The following RFTN2 variants were observed in gnomAD, a reference collection of about 807,000 sequenced individuals.
The protein encoded by RFTN2 is raftlin family member 2.
Under a neutral mutation model 52.7 loss-of-function variants are expected in RFTN2, and 34 were observed. The ratio of observed to expected loss-of-function variants is 0.64; its 90% CI spans 0.49 to 0.86. The LOEUF is 0.86. Ranked by LOEUF, RFTN2 falls within the 40% of genes least tolerant of loss-of-function variation. The pLI is 0.00. For missense variants in RFTN2, 536 were observed against 600.1 expected (o/e 0.89, Z 1.12); for synonymous variants, 203 against 217.7 (o/e 0.93, Z 0.59).
chr2:197,600,577 C>T (rs2087864336), intron 7 of RFTN2, among the ~76,000 whole-genome samples: 1 of 151,956 alleles, frequency 6.6e-6, no homozygotes, highest in Admixed American at 6.6e-5. Context: ...GCAAGTAAGT[C>T]CCTTATGGTT....
At position 197,571,997 on chromosome 2, in the gene RFTN2, C is replaced by T. The variant is rs758959908; in HGVS notation, c.*11G>A. ...TTATTTACAGGGCCTTCCTTTGCTT[C>T]ACCTCATGGCTCACATACAAGTGAC... On this transcript the variant is annotated 3_prime_UTR_variant, in exon 9 of 9. Transcript: ENST00000295049. 3.7e-6 allele frequency: 6 copies of T among 1,609,164 alleles called. No individual in the cohort carries two copies. The South Asian group carries it at 6.6e-5, about 18-fold the overall frequency.
At chr2:197,614,138 T>A (rs979430141) in intron 7 of RFTN2, among the ~76,000 whole-genome samples, 5 of 152,232 alleles carry the variant, frequency 3.3e-5, no homozygotes, top group African/African-American at 1.2e-4. Flanking sequence ...AGAATGTAAG[T>A]CCCTTGTTTT....
At chr2:197,596,098 TTG>T (rs775236509) in intron 7 of RFTN2, 29 bp from the exon 8 acceptor site, 1 of 1,383,074 alleles carries the variant, frequency 7.2e-7, no homozygotes, top group South Asian at 1.2e-5. Context: ...GTATTAGTAT[TTG>T]TGAGTTAGTA....
rs138860159 is a variant in RFTN2, at chr2:197,626,562, C to CAAATAAATAAATAAATAAAT, written c.928+4429_928+4448dup. On this transcript the variant is annotated intron_variant, in intron 5 of 8. Transcript: ENST00000295049. Reference sequence around the variant, plus strand: ...CTGGGTGACAGTGAGACCCCATCTACAAATAAATAAATAAATAAATAAATA... The same window carrying CAAATAAATAAATAAATAAAT: ...CTGGGTGACAGTGAGACCCCATCTACAAATAAATAAATAAATAAATAAATAAATAAATAAATAAATAAATA... 4.4e-3 allele frequency among the ~76,000 whole-genome samples: 547 copies of CAAATAAATAAATAAATAAAT among 124,052 alleles called. 11 individuals carry two copies. Among genetic ancestry groups the CAAATAAATAAATAAATAAAT allele is most frequent in the African/African-American group, 0.016 (508 of 31,480 alleles). The allele number at this position is 124,052 out of a possible 152,430, so 81.4% of individuals were successfully genotyped here.
intron 7 of RFTN2, among the ~76,000 whole-genome samples, chr2:197,614,039 A>C (rs923846103): frequency 6.6e-6 from 1 of 152,140 alleles, no homozygotes; most frequent in African/African-American, 2.4e-5. Flanking sequence ...TAATATTCCT[A>C]CAGAACCTAT....
chr2:197,582,160 G>A (rs1482840923), intron 8 of RFTN2, among the ~76,000 whole-genome samples: 1 of 152,190 alleles, frequency 6.6e-6, no homozygotes, highest in Admixed American at 6.5e-5. Context: ...TACTTTTAGA[G>A]GCCCTCAAAA....
intron 8 of RFTN2, among the ~76,000 whole-genome samples, chr2:197,588,247 G>A (rs1046089595): frequency 6.6e-6 from 1 of 152,200 alleles, no homozygotes; most frequent in Non-Finnish European, 1.5e-5. Context: ...CATGCACACA[G>A]ACGATGTATA....
chr2:197,617,494 A>G (rs1421422018), intron 6 of RFTN2, among the ~76,000 whole-genome samples: 1 of 152,124 alleles, frequency 6.6e-6, no homozygotes, highest in Non-Finnish European at 1.5e-5. Flanking sequence ...CCTGGGCAAC[A>G]TGGCGAGACC....
chr2:197,651,131 G>A (rs1442208601), intron 1 of RFTN2, among the ~76,000 whole-genome samples: 1 of 152,158 alleles, frequency 6.6e-6, no homozygotes. Flanking sequence ...TTGTTGTTGA[G>A]TTGTAGGAGT....
At chr2:197,578,929 G>T (rs753327815) in intron 8 of RFTN2, among the ~76,000 whole-genome samples, 1 of 152,022 alleles carries the variant, frequency 6.6e-6, no homozygotes, top group Non-Finnish European at 1.5e-5. Context: ...TCAAGTAAGC[G>T]GCCTCTTTTA....
At chr2:197,674,576 G>C (rs1189924140) in intron 1 of RFTN2, among the ~76,000 whole-genome samples, 1 of 151,996 alleles carries the variant, frequency 6.6e-6, no homozygotes, top group Non-Finnish European at 1.5e-5. Context: ...TAAAGATATA[G>C]CTTTTTTAAA....
chr2:197,613,247 T>C (rs1193483904), intron 7 of RFTN2, among the ~76,000 whole-genome samples: 1 of 152,222 alleles, frequency 6.6e-6, no homozygotes, highest in Non-Finnish European at 1.5e-5. Context: ...CCCAAAACAT[T>C]AGCCCTAATT....
At chr2:197,667,311 T>C (rs774756027) in intron 1 of RFTN2, among the ~76,000 whole-genome samples, 1 of 152,208 alleles carries the variant, frequency 6.6e-6, no homozygotes, top group African/African-American at 2.4e-5. Flanking sequence ...TCTATCTCTC[T>C]GGTAAATTTG....
At chr2:197,577,992 C>T (rs2087446139) in intron 8 of RFTN2, among the ~76,000 whole-genome samples, 1 of 152,164 alleles carries the variant, frequency 6.6e-6, no homozygotes, top group Admixed American at 6.5e-5. Flanking sequence ...GCTGGGATTA[C>T]AGGCGTGAGC....
At chr2:197,615,629 T>C (rs2088128901) in intron 7 of RFTN2, among the ~76,000 whole-genome samples, 1 of 152,208 alleles carries the variant, frequency 6.6e-6, no homozygotes, top group East Asian at 1.9e-4. Context: ...AACCCTACTG[T>C]GTCCTAAACC....
chr2:197,650,938 T>C (rs1404178542), intron 1 of RFTN2, among the ~76,000 whole-genome samples: 1 of 152,326 alleles, frequency 6.6e-6, no homozygotes, highest in East Asian at 1.9e-4. Context: ...ATTGTCTGCA[T>C]CCTCACTAAC....
intron 8 of RFTN2, among the ~76,000 whole-genome samples, chr2:197,581,657 C>A (rs2087512743): frequency 6.6e-6 from 1 of 152,134 alleles, no homozygotes. Context: ...ATATCTGGTA[C>A]CCCCTTCCAA....
intron 3 of RFTN2, among the ~76,000 whole-genome samples, chr2:197,638,180 AGGTGT>A (rs1559359482): frequency 1.5e-5 from 2 of 133,190 alleles, no homozygotes; most frequent in East Asian, 2.2e-4. Flanking sequence ...ATTTTGGAAT[AGGTGT>A]GGTGTGGTGC....
At chr2:197,640,422 G>A (rs1261345096) in intron 3 of RFTN2, among the ~76,000 whole-genome samples, 2 of 152,254 alleles carry the variant, frequency 1.3e-5, no homozygotes, top group South Asian at 4.1e-4. Flanking sequence ...GCCAGGTGCC[G>A]GATATAATCT....
Sources: allele counts gnomAD v4.1 joint callset (sites outside exome capture counted in the v4.1 genomes callset), GRCh38; gene constraint gnomAD v4.1.1; transcripts MANE v1.5; gene names NCBI Gene and HGNC (gene_info 2026-07-23, HGNC 2026-07-21).